SPAST: variants seen among roughly 807,000 people sequenced by gnomAD.
SPAST encodes spastic paraplegia 4 (autosomal dominant; spastin).
In SPAST, 30 loss-of-function variants were observed where a neutral mutation model predicts 76.6. The observed-to-expected ratio is 0.39, with a 90% CI of 0.29 to 0.53. The LOEUF is 0.53. Ranked by LOEUF, SPAST falls within the 20% of genes least tolerant of loss-of-function variation. The probability of loss-of-function intolerance (pLI) is 0.68; values close to 1 mark genes in which losing one functional copy is unlikely to be tolerated. For synonymous variants in SPAST, 305 were observed against 281.0 expected (o/e 1.09, Z -0.86); for missense variants, 717 against 770.5 (o/e 0.93, Z 0.82).
intron 1 of SPAST, among the ~76,000 whole-genome samples, chr2:32,078,239 C>T (rs539990903): frequency 3.3e-5 from 5 of 152,234 alleles, no homozygotes; most frequent in Admixed American, 6.5e-5. Flanking sequence ...ATCCCCATTT[C>T]TTTTTCACTG....
intron 3 of SPAST, among the ~76,000 whole-genome samples, chr2:32,096,400 G>A (rs955038338): frequency 9.9e-5 from 15 of 151,994 alleles, no homozygotes; most frequent in African/African-American, 2.7e-4. Context: ...GCACCACTGC[G>A]CTCCAGCCTG....
chr2:32,124,940 T>A (rs932098695), intron 7 of SPAST, among the ~76,000 whole-genome samples: 1 of 152,208 alleles, frequency 6.6e-6, no homozygotes, highest in African/African-American at 2.4e-5. Context: ...AAACTGTTCT[T>A]TATGATAATC....
chr2:32,070,068 A>AT lies in SPAST; in HGVS notation c.415+5837dup, dbSNP rs397869082. Reference sequence around the variant, plus strand: ...TTATGGCATACTAAAAAAAAAAAAAATTTTTTTTTTTTTTTGTAATGGAGT... The same window carrying AT: ...TTATGGCATACTAAAAAAAAAAAAAATTTTTTTTTTTTTTTTGTAATGGAGT... On this transcript the variant is annotated intron_variant, in intron 1 of 16. Transcript: ENST00000315285. 1.5e-3 allele frequency among the ~76,000 whole-genome samples: 76 copies of AT among 50,924 alleles called. 1 individual carries two copies. The highest frequency in any genetic ancestry group is 2.0e-3 in the African/African-American group (26 of 13,280). The allele number at this position is 50,924 out of a possible 152,430, so 33.4% of individuals were successfully genotyped here.
intron 3 of SPAST, among the ~76,000 whole-genome samples, chr2:32,091,102 A>G (rs537132366): frequency 6.6e-6 from 1 of 152,142 alleles, no homozygotes; most frequent in South Asian, 2.1e-4. Context: ...AACCTACTAC[A>G]TATGAGTGGC....
intron 16 of SPAST, among the ~76,000 whole-genome samples, chr2:32,149,608 C>T (rs1680009279): frequency 1.3e-5 from 2 of 152,182 alleles, no homozygotes; most frequent in East Asian, 3.9e-4. Flanking sequence ...ATCAAAAATA[C>T]TTGGGGGAAA....
intron 1 of SPAST, among the ~76,000 whole-genome samples, chr2:32,081,906 A>G (rs1677245946): frequency 1.3e-5 from 2 of 148,202 alleles, no homozygotes; most frequent in Admixed American, 1.4e-4. Context: ...TGGGCTTGAT[A>G]TGGTCCCTCC....
intron 7 of SPAST, among the ~76,000 whole-genome samples, chr2:32,120,226 A>G (rs935169691): frequency 1.3e-5 from 2 of 152,054 alleles, no homozygotes; most frequent in African/African-American, 4.8e-5. Context: ...TCTTTAAATA[A>G]TCTTATAAAG....
At chr2:32,134,485 G>C (rs1335258569) in intron 9 of SPAST, among the ~76,000 whole-genome samples, 1 of 149,208 alleles carries the variant, frequency 6.7e-6, no homozygotes, top group African/African-American at 2.5e-5. Context: ...ATTTTTTTTT[G>C]TAGTGACAAG....
At chr2:32,134,392 C>T (rs1339553058) in intron 9 of SPAST, among the ~76,000 whole-genome samples, 2 of 151,914 alleles carry the variant, frequency 1.3e-5, no homozygotes, top group Non-Finnish European at 2.9e-5. Flanking sequence ...ATCCCACTTA[C>T]TCAGGAGGCT....
At chr2:32,141,462 C>T (rs189122934) in intron 12 of SPAST, among the ~76,000 whole-genome samples, 17 of 152,194 alleles carry the variant, frequency 1.1e-4, no homozygotes, top group Admixed American at 6.5e-4. Context: ...TGATCTTTAG[C>T]GGCAGATCCT....
At chr2:32,113,559 ACTT>A (rs1678697929) in intron 4 of SPAST, among the ~76,000 whole-genome samples, 1 of 128,878 alleles carries the variant, frequency 7.8e-6, no homozygotes, top group Non-Finnish European at 1.7e-5. Flanking sequence ...TTGCTTCATA[ACTT>A]TTTTTTTTTT....
intron 1 of SPAST, among the ~76,000 whole-genome samples, chr2:32,080,630 G>A (rs1462721033): frequency 6.6e-6 from 1 of 152,016 alleles, no homozygotes; most frequent in Non-Finnish European, 1.5e-5. Flanking sequence ...GGCCTTTTGT[G>A]CACTGGAGAC....
intron 13 of SPAST, among the ~76,000 whole-genome samples, chr2:32,142,926 A>G (rs1679768391): frequency 1.3e-5 from 2 of 152,148 alleles, no homozygotes; most frequent in South Asian, 4.1e-4. Flanking sequence ...GGTTTTTTGC[A>G]GCAAAATATT....
chr2:32,112,468 C>T (rs1191920415), intron 4 of SPAST, among the ~76,000 whole-genome samples: 1 of 151,782 alleles, frequency 6.6e-6, no homozygotes, highest in Non-Finnish European at 1.5e-5. Flanking sequence ...CTGCCTCAGC[C>T]TCCTGAGTAG....
chr2:32,083,696 T>G (rs1439523925), intron 1 of SPAST, among the ~76,000 whole-genome samples: 1 of 138,480 alleles, frequency 7.2e-6, no homozygotes, highest in Non-Finnish European at 1.5e-5. Context: ...ATATATAGAG[T>G]ATATATATTT....
rs531566169 is a variant in SPAST, at chr2:32,099,161, G to A, written c.682+270G>A. 5.3e-5 allele frequency among the ~76,000 whole-genome samples: 8 copies of A among 152,260 alleles called. No individual in the cohort carries two copies. In the South Asian group the frequency reaches 1.5e-3, roughly 28 times the overall value. On this transcript the variant is annotated intron_variant, in intron 4 of 16. Coordinates refer to ENST00000315285, the MANE Select transcript of SPAST (RefSeq NM_014946.4). ...TATGAAGGTATACATTCCCGTAAGTGATTAAAATAATCTTTTTTTCTGTTG... is the reference window on the plus strand; with the variant it reads ...TATGAAGGTATACATTCCCGTAAGTAATTAAAATAATCTTTTTTTCTGTTG...
intron 12 of SPAST, among the ~76,000 whole-genome samples, chr2:32,140,929 G>C (rs1306211996): frequency 4.0e-5 from 5 of 125,810 alleles, no homozygotes; most frequent in African/African-American, 1.5e-4. Flanking sequence ...TTGGGGGCAG[G>C]TTTTGTTGTT....
At chr2:32,087,988 A>G (rs1286025064) in intron 2 of SPAST, among the ~76,000 whole-genome samples, 1 of 151,708 alleles carries the variant, frequency 6.6e-6, no homozygotes, top group Non-Finnish European at 1.5e-5. Context: ...GATTCAGGCT[A>G]TTTATTCTCC....
intron 9 of SPAST, among the ~76,000 whole-genome samples, chr2:32,133,509 G>C (rs759284669): frequency 2.0e-5 from 3 of 152,130 alleles, no homozygotes; most frequent in Non-Finnish European, 4.4e-5. Context: ...GATTTTGTGT[G>C]TATGTGTATT....
Sources: allele counts gnomAD v4.1 joint callset (sites outside exome capture counted in the v4.1 genomes callset), GRCh38; gene constraint gnomAD v4.1.1; transcripts MANE v1.5; gene names NCBI Gene and HGNC (gene_info 2026-07-23, HGNC 2026-07-21).